The following PLXDC1 variants were observed in gnomAD, a reference collection of about 807,000 sequenced individuals.
The protein encoded by PLXDC1 is plexin domain-containing protein 1.
Under a neutral mutation model 61.3 loss-of-function variants are expected in PLXDC1, and 39 were observed. The observed-to-expected ratio is 0.64, with a 90% confidence interval of 0.49 to 0.83. PLXDC1 has a LOEUF of 0.83. Ranked by LOEUF, PLXDC1 falls within the 40% of genes least tolerant of loss-of-function variation. The pLI is 0.00. For missense variants in PLXDC1, 596 were observed against 666.5 expected, an observed-to-expected ratio of 0.89 and a Z score of 1.17; for synonymous variants, 212 against 254.5, an observed-to-expected ratio of 0.83 and a Z score of 1.59.
chr17:39,107,237 C>T (rs770488440), intron 6 of PLXDC1, among the ~76,000 whole-genome samples, 170 bp downstream of exon 6: 5 of 152,214 alleles, frequency 3.3e-5, no homozygotes, highest in Non-Finnish European at 7.3e-5. Flanking sequence ...TTATTGTCCA[C>T]CTCCGCAACC....
intron 1 of PLXDC1, among the ~76,000 whole-genome samples, chr17:39,143,748 C>CT (rs1333262354): frequency 6.6e-6 from 1 of 152,260 alleles, no homozygotes; most frequent in Non-Finnish European, 1.5e-5. Context: ...CAACCAGATG[C>CT]TGCTGGAGCA....
chr17:39,142,896 G>C (rs752151872), intron 1 of PLXDC1, among the ~76,000 whole-genome samples: 37 of 152,288 alleles, frequency 2.4e-4, no homozygotes, highest in Non-Finnish European at 4.3e-4. Flanking sequence ...CTAGCACTTT[G>C]GGAGGCTGAG....
intron 2 of PLXDC1, among the ~76,000 whole-genome samples, chr17:39,112,606 C>T (rs967101690): frequency 4.6e-5 from 7 of 151,760 alleles, no homozygotes; most frequent in Non-Finnish European, 7.4e-5. Context: ...TACAGGTGTG[C>T]GCCACCATGC....
At chr17:39,109,110 A>G in intron 3 of PLXDC1, 137 bp from the exon 4 acceptor site, 1 of 1,328,950 alleles carries the variant, frequency 7.5e-7, no homozygotes, top group Non-Finnish European at 1.1e-6. Context: ...CAACTCTGGC[A>G]AAGTCCCATG....
intron 1 of PLXDC1, among the ~76,000 whole-genome samples, chr17:39,150,762 C>T (rs2045367295): frequency 6.6e-6 from 1 of 152,164 alleles, no homozygotes; most frequent in Non-Finnish European, 1.5e-5. Flanking sequence ...GAGGGGGACT[C>T]TTGAGGCTGG....
intron 2 of PLXDC1, among the ~76,000 whole-genome samples, chr17:39,115,857 G>A (rs9908136): frequency 0.29 from 44,431 of 152,056 alleles, 6,679 homozygotes; most frequent in South Asian, 0.34. Flanking sequence ...GCTCATGCCT[G>A]TAATCCCAGC....
intron 2 of PLXDC1, among the ~76,000 whole-genome samples, chr17:39,127,527 G>C (rs536223224): frequency 6.6e-6 from 1 of 152,164 alleles, no homozygotes; most frequent in Non-Finnish European, 1.5e-5. Flanking sequence ...CTCAGTAGAG[G>C]GGCTAAGAAA....
At chr17:39,069,311 G>A (rs1909020032) in intron 13 of PLXDC1, among the ~76,000 whole-genome samples, 1 of 152,054 alleles carries the variant, frequency 6.6e-6, no homozygotes, top group Non-Finnish European at 1.5e-5. Flanking sequence ...TCACTCTGTT[G>A]CCCAGGCTAG....
At position 39,105,880 on chromosome 17, in the gene PLXDC1, A is replaced by T. The variant is rs369069699; in HGVS notation, c.785T>A (p.Ile262Asn). 18 of 1,613,562 alleles carry T rather than the reference A, an allele frequency of 1.1e-5. No individual in the cohort carries two copies. In the African/African-American group the frequency reaches 2.0e-4, roughly 18 times the overall value. Reference protein sequence around the residue: ...VKTGLSDAFMILNPSPDVPES... With the variant: ...VKTGLSDAFMNLNPSPDVPES... ...TGGCACATCCGGGGATGGATTGAGA[A>T]TCATGAAGGCATCCGATAGGCCGGT... The change falls in exon 7 of 14, where the codon ATT (isoleucine) becomes AAT (asparagine). Residue 262 changes from isoleucine (I) to asparagine (N), a missense_variant. By Grantham distance (149) the Ile-to-Asn change is moderately radical. Coordinates refer to ENST00000315392, the MANE Select transcript of PLXDC1 (RefSeq NM_020405.5).
At chr17:39,130,436 G>A (rs1911520741) in intron 2 of PLXDC1, among the ~76,000 whole-genome samples, 1 of 152,166 alleles carries the variant, frequency 6.6e-6, no homozygotes, top group South Asian at 2.1e-4. Context: ...CTGGGCAACA[G>A]AGCAAGACCC....
intron 7 of PLXDC1, among the ~76,000 whole-genome samples, chr17:39,091,434 A>G (rs534361897): frequency 2.6e-5 from 4 of 152,244 alleles, no homozygotes; most frequent in Admixed American, 1.3e-4. Flanking sequence ...CGACTCCTGC[A>G]CTGGAGCCGG....
chr17:39,128,044 G>GCT lies in PLXDC1; in HGVS notation c.255+11608_255+11609dup, dbSNP rs36178620. Among the ~76,000 whole-genome samples the GCT allele has an allele frequency of 5.3e-4, 51 of 95,578 alleles. 4 individuals are homozygous for GCT. The highest frequency in any genetic ancestry group is 1.5e-3 in the Admixed American group (14 of 9,048). The allele number at this position is 95,578 out of a possible 152,430, so 62.7% of individuals were successfully genotyped here. On this transcript the variant is annotated intron_variant, in intron 2 of 13. Transcript: ENST00000315392. ...GTACCACTTCATACCCACTAGGACAGCTCTCTCTCTCTCTCTCTCTCTGTC... is the reference window on the plus strand; with the variant it reads ...GTACCACTTCATACCCACTAGGACAGCTCTCTCTCTCTCTCTCTCTCTCTGTC...
At chr17:39,145,694 C>A (rs1305530843) in intron 1 of PLXDC1, among the ~76,000 whole-genome samples, 1 of 152,120 alleles carries the variant, frequency 6.6e-6, no homozygotes, top group Non-Finnish European at 1.5e-5. Flanking sequence ...CTGAGATACA[C>A]CGAACTGGAA....
At position 39,119,629 on chromosome 17, in the gene PLXDC1, C is replaced by T. The variant is rs370290012; in HGVS notation, c.256-10238G>A. ...GGGGTGATGGCGTGCTCCCATAGTC[C>T]GAGCTATTCAGAGTCTGAGGCAGGA... On this transcript the variant is annotated intron_variant, in intron 2 of 13. Coordinates refer to ENST00000315392, the MANE Select transcript of PLXDC1 (RefSeq NM_020405.5). Among the ~76,000 whole-genome samples, 4 of 151,864 alleles carry T rather than the reference C, an allele frequency of 2.6e-5. No individual in the cohort carries two copies. In the East Asian group the frequency reaches 5.8e-4, roughly 22 times the overall value.
chr17:39,152,770 T>TAA (rs34433195), upstream of PLXDC1: 1,240 of 643,804 alleles, frequency 1.9e-3, 6 homozygotes, highest in South Asian at 0.015. Flanking sequence ...GCACTGAGGT[T>TAA]AAAAAAAAAA....
intron 13 of PLXDC1, among the ~76,000 whole-genome samples, chr17:39,069,234 C>G (rs913638702): frequency 6.6e-6 from 1 of 152,116 alleles, no homozygotes; most frequent in African/African-American, 2.4e-5. Flanking sequence ...GCTTCCCAAG[C>G]GGCTGGGACC....
intron 8 of PLXDC1, among the ~76,000 whole-genome samples, chr17:39,085,145 C>T (rs1909697017): frequency 6.6e-6 from 1 of 152,240 alleles, no homozygotes; most frequent in African/African-American, 2.4e-5. Context: ...AGCCAATGTG[C>T]ATTACATGGA....
rs766746344 is a variant in PLXDC1, at chr17:39,067,905, T to C, written c.1438A>G (p.Thr480Ala). The C allele has an allele frequency of 6.2e-7, 1 of 1,613,780 alleles. No homozygotes were observed. Among genetic ancestry groups the C allele is most frequent in the Admixed American group, 1.7e-5 (1 of 60,006 alleles). Residue 480 changes from threonine (T) to alanine (A), a missense_variant, in exon 14 of 14, where the codon ACC becomes GCC. Physicochemically the swap from Thr to Ala is moderately conservative, Grantham distance 58. Transcript: ENST00000315392. ...MKFRSHPDHS[T>A]YAEVEPSGHE... ...CCCGAGGGCTCCACCTCCGCATAGG[T>C]GGAATGGTCAGGGTGGCTGCGAAAC... is the stretch of plus-strand genomic sequence containing the variant.
intron 11 of PLXDC1, among the ~76,000 whole-genome samples, chr17:39,072,788 A>C (rs900972530): frequency 1.3e-5 from 2 of 152,082 alleles, no homozygotes; most frequent in African/African-American, 4.8e-5. Context: ...TAAGGGTTTG[A>C]AGAGGGGCTT....
Sources: allele counts gnomAD v4.1 joint callset (sites outside exome capture counted in the v4.1 genomes callset), GRCh38; gene constraint gnomAD v4.1.1; transcripts MANE v1.5; gene names NCBI Gene and HGNC (gene_info 2026-07-23, HGNC 2026-07-21).